Variants in TCTN1 observed in about 807,000 individuals in gnomAD.
The protein encoded by TCTN1 is tectonic-1.
In TCTN1, 58 loss-of-function variants were observed where a neutral mutation model predicts 65.8. The ratio of observed to expected loss-of-function variants is 0.88; its 90% CI spans 0.71 to 1.10. The LOEUF is 1.10. TCTN1 is among the 50% of genes least tolerant of loss of function. The pLI, the probability that TCTN1 is intolerant of heterozygous loss-of-function variation, is 0.00. For missense variants in TCTN1, 645 were observed against 719.4 expected, an observed-to-expected ratio of 0.90 and a Z score of 1.18; for synonymous variants, 273 against 289.1, an observed-to-expected ratio of 0.94 and a Z score of 0.57.
intron 4 of TCTN1, 111 bp downstream of exon 4, chr12:110,629,029 A>G: frequency 1.6e-6 from 2 of 1,254,438 alleles, no homozygotes; most frequent in South Asian, 2.6e-5. Context: ...AGTTGATATT[A>G]TAGACTAAAA....
chr12:110,645,505 C>T (rs928467324), intron 12 of TCTN1: 22 of 322,606 alleles, frequency 6.8e-5, no homozygotes, highest in African/African-American at 1.1e-4. Context: ...TGGTGTCCCC[C>T]GAGCCCTCTC....
chr12:110,643,018 G>A (rs999258656), intron 11 of TCTN1, among the ~76,000 whole-genome samples: 1 of 151,954 alleles, frequency 6.6e-6, no homozygotes, highest in Non-Finnish European at 1.5e-5. Flanking sequence ...GGCCTCCCAA[G>A]GTGCTGGGAT....
Position 110,628,888 on chromosome 12 carries a change from A to T in TCTN1, c.594A>T (p.Lys198Asn). 1 of 1,613,672 alleles carries T rather than the reference A, an allele frequency of 6.2e-7. No individual in the cohort carries two copies. The highest frequency in any genetic ancestry group is 8.5e-7 in the Non-Finnish European group (1 of 1,179,920). The change falls in exon 4 of 15, where the codon AAA (lysine) becomes AAT (asparagine). Residue 198 changes from lysine to asparagine, a missense_variant. Transcript: ENST00000397659. ...NAESYVSFTT[K>N]LDIPTAAKYE... ...AATCATATGTTTCCTTCACAACCAA[A>T]CTGGATATTCCTACTGCTGCTAAAT...
intron 12 of TCTN1, chr12:110,646,627 C>T (rs2136188783): frequency 6.3e-6 from 1 of 159,950 alleles, no homozygotes; most frequent in South Asian, 1.8e-4. Flanking sequence ...TCCTTCGTGG[C>T]ACCAGCAGTG....
At position 110,649,369 on chromosome 12, in the gene TCTN1, C is replaced by G; in HGVS notation, c.*328C>G. 2 of 1,530,470 alleles carry G rather than the reference C, an allele frequency of 1.3e-6. No homozygotes were observed. The highest frequency in any genetic ancestry group is 1.8e-6 in the Non-Finnish European group (2 of 1,108,556). The allele number at this position is 1,530,470 out of a possible 1,614,324, so 94.8% of individuals were successfully genotyped here. ...TGTTCCTCTCGTGACAGCACAGGCC[C>G]ATGAGACAGTGTCTTCTTTTTGAGG... On this transcript the variant is annotated 3_prime_UTR_variant, in exon 15 of 15. Transcript: ENST00000397659.
intron 2 of TCTN1, among the ~76,000 whole-genome samples, chr12:110,621,704 C>T (rs1481105790): frequency 6.6e-6 from 1 of 151,854 alleles, no homozygotes; most frequent in East Asian, 1.9e-4. Context: ...GAACTTCTGA[C>T]CTCGTGATCC....
At chr12:110,648,797 T>A in intron 14 of TCTN1, 1 of 296,350 alleles carries the variant, frequency 3.4e-6, no homozygotes, top group Admixed American at 5.3e-5. Flanking sequence ...AAAGAGAGAG[T>A]TTATTTTATA....
In TCTN1 at chr12:110,632,382, C is replaced by A. The variant is rs1416354251; in HGVS notation, c.625-90C>A. 6 of 1,301,930 alleles carry A rather than the reference C, an allele frequency of 4.6e-6. No individual in the cohort carries two copies. The African/African-American group carries it at 8.7e-5, about 19-fold the overall frequency. The allele number at this position is 1,301,930 out of a possible 1,614,324, so 80.6% of individuals were successfully genotyped here. On this transcript the variant is annotated intron_variant, in intron 4 of 14. Coordinates refer to ENST00000397659, the MANE Select transcript of TCTN1 (RefSeq NM_001082538.3). The stretch of plus-strand genomic sequence containing the variant: ...CTCATCAGTGTGTCTCTGATGCCTG[C>A]AGTGCTGCTTGGCACATTGTGGGTG...
chr12:110,634,059 C>A (rs1376908376), intron 5 of TCTN1, among the ~76,000 whole-genome samples: 1 of 152,088 alleles, frequency 6.6e-6, no homozygotes, highest in Non-Finnish European at 1.5e-5. Flanking sequence ...GGAGCTGCTT[C>A]ATGTAAAGAC....
chr12:110,645,114 G>A lies in TCTN1; in HGVS notation c.1479G>A (p.Gln493=), dbSNP rs1244591905. The change falls in exon 12 of 15, where the codon CAG becomes CAA. Residue 493 remains glutamine, a synonymous_variant. Coordinates refer to ENST00000397659, the MANE Select transcript of TCTN1 (RefSeq NM_001082538.3). ...LDWVPIHFIT[Q]SFNRKHFVLQ... is the part of the protein sequence containing the mutation. ...GGGTGCCCATCCACTTCATCACCCA[G>A]TCATTCAACAGGAAGGTAAAGGGGA... The A allele has an allele frequency of 1.2e-6, 2 of 1,613,944 alleles. No homozygotes were observed. The highest frequency in any genetic ancestry group is 8.5e-7 in the Non-Finnish European group (1 of 1,180,000).
chr12:110,627,822 A>G (rs2065959691), intron 3 of TCTN1: 1 of 593,146 alleles, frequency 1.7e-6, no homozygotes, highest in African/African-American at 1.9e-5. Context: ...AAATGTTATC[A>G]GGATATCAAA....
At chr12:110,621,206 A>G (rs944662160) in intron 2 of TCTN1, among the ~76,000 whole-genome samples, 1 of 152,212 alleles carries the variant, frequency 6.6e-6, no homozygotes, top group African/African-American at 2.4e-5. Context: ...TTAGCCTTAT[A>G]GCAAGTTTTA....
rs2067668868 is a variant in TCTN1 at position 110,649,337 on chromosome 12, G to A, written c.*296G>A. 8.1e-7 allele frequency: 1 copy of A among 1,236,526 alleles called. No homozygotes were observed. The highest frequency in any genetic ancestry group is 1.5e-5 in the African/African-American group (1 of 67,138). The allele number at this position is 1,236,526 out of a possible 1,614,324, so 76.6% of individuals were successfully genotyped here. A position where few individuals can be genotyped will look rare whatever the true frequency, so the allele number is the denominator to read the frequency against. ...AACCTCTCACCAAGCGGCCCAGGAG[G>A]GGCAGCTGTTCCTCTCGTGACAGCA... On this transcript the variant is annotated 3_prime_UTR_variant, in exon 15 of 15. Coordinates refer to ENST00000397659, the MANE Select transcript of TCTN1 (RefSeq NM_001082538.3).
In TCTN1 at chr12:110,634,703, G is replaced by C. The variant is rs1261265906; in HGVS notation, c.746G>C (p.Arg249Thr). ...GTGAACCAGGCTGTTAAGTGCACCAGAAAAATAAATTTAGAACAGTGTGAA... is the reference window on the plus strand; with the variant it reads ...GTGAACCAGGCTGTTAAGTGCACCACAAAAATAAATTTAGAACAGTGTGAA... ...FLVNQAVKCT[R>T]KINLEQCEEI... The change falls in exon 6 of 15, where the codon AGA becomes ACA. Residue 249 changes from arginine to threonine, a missense_variant. By Grantham distance (71) the Arg-to-Thr change is moderately conservative. Coordinates refer to ENST00000397659, the MANE Select transcript of TCTN1 (RefSeq NM_001082538.3). The C allele has an allele frequency of 6.2e-7, 1 of 1,611,682 alleles. No individual in the cohort carries two copies. Among genetic ancestry groups the C allele is most frequent in the Non-Finnish European group, 8.5e-7 (1 of 1,178,878 alleles).
At chr12:110,638,422 A>C (rs1374866361) in intron 7 of TCTN1, among the ~76,000 whole-genome samples, 1 of 152,196 alleles carries the variant, frequency 6.6e-6, no homozygotes, top group African/African-American at 2.4e-5. Flanking sequence ...AATTGGGTCT[A>C]ATCTCCCCAC....
intron 2 of TCTN1, among the ~76,000 whole-genome samples, chr12:110,622,590 G>A (rs564412999): frequency 3.3e-5 from 5 of 152,258 alleles, no homozygotes; most frequent in Non-Finnish European, 5.9e-5. Flanking sequence ...GAGGGGAAGG[G>A]CATTCCAGGC....
chr12:110,628,802 C>T lies in TCTN1; in HGVS notation c.508C>T (p.Pro170Ser). The T allele has an allele frequency of 6.2e-7, 1 of 1,610,102 alleles. No homozygotes were observed. Among genetic ancestry groups the T allele is most frequent in the Non-Finnish European group, 8.5e-7 (1 of 1,177,052 alleles). Residue 170 changes from proline to serine, a missense_variant, in exon 4 of 15, where the codon CCT becomes TCT. Physicochemically the swap from Pro to Ser is moderately conservative, Grantham distance 74. Coordinates refer to ENST00000397659, the MANE Select transcript of TCTN1 (RefSeq NM_001082538.3). ...PALSFINPEVPDENNFDTLMK... is the reference protein window; with the variant it reads ...PALSFINPEVSDENNFDTLMK... Reference sequence around the variant, plus strand: ...ATTATCCTTTATTAATCCAGAAGTACCTGATGAAAACAATTTTGATACATT... The same window carrying T: ...ATTATCCTTTATTAATCCAGAAGTATCTGATGAAAACAATTTTGATACATT...
At chr12:110,627,777 A>G (rs1458120935) in intron 3 of TCTN1, 1 of 485,350 alleles carries the variant, frequency 2.1e-6, no homozygotes, top group African/African-American at 1.9e-5. Context: ...ATTTAGCTCA[A>G]ATATATGTCT....
In TCTN1 at chr12:110,647,788, G is replaced by A; in HGVS notation, c.1675G>A (p.Ala559Thr). ...GNERTILIST[A>T]VTFVDVSAPA... is the part of the protein sequence containing the mutation. Reference sequence around the variant, plus strand: ...TGAAAGGACGATTCTTATTTCCACTGCGGTTACTTTTGTGGATGTGTCTGC... The same window carrying A: ...TGAAAGGACGATTCTTATTTCCACTACGGTTACTTTTGTGGATGTGTCTGC... Residue 559 changes from alanine to threonine, a missense_variant, in exon 14 of 15, where the codon GCG (alanine) becomes ACG (threonine). By Grantham distance (58) the Ala-to-Thr change is moderately conservative (BLOSUM62 0). Coordinates refer to ENST00000397659, the MANE Select transcript of TCTN1 (RefSeq NM_001082538.3). 3 of 1,614,208 alleles carry A rather than the reference G, an allele frequency of 1.9e-6. No homozygotes were observed. Among genetic ancestry groups the A allele is most frequent in the South Asian group, 1.1e-5 (1 of 91,082 alleles).
Sources: allele counts gnomAD v4.1 joint callset (sites outside exome capture counted in the v4.1 genomes callset), GRCh38; gene constraint gnomAD v4.1.1; transcripts MANE v1.5; gene names NCBI Gene and HGNC (gene_info 2026-07-23, HGNC 2026-07-21).